Variants in PCDH15 observed in about 807,000 individuals in gnomAD.
PCDH15 encodes the protein protocadherin-15.
In PCDH15, 129 loss-of-function variants were observed where a neutral mutation model predicts 178.5. That is an observed-to-expected ratio of 0.72 (90% CI 0.63 to 0.84). The LOEUF (loss-of-function observed/expected upper bound fraction) is 0.84, where lower values mean the gene tolerates loss of function less well. Ranked by LOEUF, PCDH15 falls within the 40% of genes least tolerant of loss-of-function variation. The pLI is 0.00. For synonymous variants in PCDH15, 800 were observed against 732.0 expected (o/e 1.09, Z -1.50); for missense variants, 2,230 against 2,099.9 (o/e 1.06, Z -1.21).
At position 54,512,273 on chromosome 10, in the gene PCDH15, T is replaced by C. The variant is rs573558038; in HGVS notation, c.157+15539A>G. On this transcript the variant is annotated intron_variant, in intron 3 of 37. Coordinates refer to ENST00000644397, the MANE Select transcript of PCDH15 (RefSeq NM_001384140.1). ...AGTATTCTTTCTTCACTAGTGTAGA[T>C]GCAGGTATGGTTTCAGGAAACCTAT... 2.0e-5 allele frequency among the ~76,000 whole-genome samples: 3 copies of C among 152,192 alleles called. No individual in the cohort carries two copies. The East Asian group carries it at 5.8e-4, about 29-fold the overall frequency.
intron 3 of PCDH15, among the ~76,000 whole-genome samples, chr10:54,485,794 C>T (rs2079059498): frequency 1.3e-5 from 2 of 151,998 alleles, no homozygotes; most frequent in South Asian, 4.1e-4. Context: ...AGTTCTGAAA[C>T]AAGACTTCTG....
intron 16 of PCDH15, among the ~76,000 whole-genome samples, chr10:54,082,396 A>G (rs1483304725): frequency 6.6e-6 from 1 of 152,196 alleles, no homozygotes; most frequent in Non-Finnish European, 1.5e-5. Flanking sequence ...GTACTGGGGA[A>G]TACAGAATAA....
intron 1 of PCDH15, among the ~76,000 whole-genome samples, chr10:54,703,772 T>A (rs1343987804): frequency 6.6e-6 from 1 of 151,760 alleles, no homozygotes; most frequent in Non-Finnish European, 1.5e-5. Context: ...ATAGCAAGAA[T>A]CAATACTGTA....
intron 1 of PCDH15, among the ~76,000 whole-genome samples, chr10:55,216,390 A>G (rs1030562595): frequency 6.6e-6 from 1 of 151,926 alleles, no homozygotes; most frequent in East Asian, 1.9e-4. Flanking sequence ...TCAATTTTTA[A>G]ATAAAAATTT....
chr10:54,914,766 C>T (rs574199376), intron 2 of PCDH15, among the ~76,000 whole-genome samples: 47 of 152,264 alleles, frequency 3.1e-4, no homozygotes, highest in African/African-American at 1.1e-3. Context: ...CTCAGCTTTT[C>T]CTAAATTAGT....
intron 1 of PCDH15, among the ~76,000 whole-genome samples, chr10:54,778,296 C>T (rs1812071208): frequency 1.3e-5 from 2 of 152,146 alleles, no homozygotes; most frequent in South Asian, 2.1e-4. Context: ...TTGAGAGACA[C>T]ATTTTGTGTA....
At chr10:55,216,980 G>A (rs1000357561) in intron 1 of PCDH15, among the ~76,000 whole-genome samples, 1 of 151,826 alleles carries the variant, frequency 6.6e-6, no homozygotes, top group Non-Finnish European at 1.5e-5. Flanking sequence ...GCTAAACTGA[G>A]GGTCTCATGT....
At chr10:54,445,351 A>G (rs2076081341) in intron 3 of PCDH15, among the ~76,000 whole-genome samples, 1 of 151,500 alleles carries the variant, frequency 6.6e-6, no homozygotes, top group South Asian at 2.1e-4. Flanking sequence ...TTAGAATAAA[A>G]ACAGAAAAAA....
At chr10:54,881,536 G>GA (rs1954262092) in intron 3 of PCDH15, among the ~76,000 whole-genome samples, 1 of 151,988 alleles carries the variant, frequency 6.6e-6, no homozygotes, top group Admixed American at 6.6e-5. Flanking sequence ...AAGACCTTTT[G>GA]TTTTTTGCTC....
intron 21 of PCDH15, among the ~76,000 whole-genome samples, chr10:53,985,032 C>A (rs2090998844): frequency 6.6e-6 from 1 of 152,190 alleles, no homozygotes; most frequent in South Asian, 2.1e-4. Flanking sequence ...CCATGCGTCC[C>A]TGCAGAAGGA....
chr10:54,606,757 C>T (rs1402251780), intron 2 of PCDH15: 2 of 151,982 alleles, frequency 1.3e-5, no homozygotes, highest in Non-Finnish European at 2.9e-5. Context: ...AGTCAAGCTA[C>T]ACTTGTTTGG....
intron 5 of PCDH15, among the ~76,000 whole-genome samples, chr10:54,348,080 C>A (rs1164834752): frequency 1.3e-4 from 19 of 151,928 alleles, no homozygotes. Flanking sequence ...GATCTCCTGA[C>A]CTCATGATCT....
chr10:53,920,956 T>TG (rs1174564425), intron 25 of PCDH15, among the ~76,000 whole-genome samples: 10 of 152,198 alleles, frequency 6.6e-5, no homozygotes, highest in Non-Finnish European at 1.3e-4. Flanking sequence ...ATTAGTCATA[T>TG]GGTATACAAC....
At chr10:53,971,284 A>G (rs2089655735) in intron 21 of PCDH15, among the ~76,000 whole-genome samples, 2 of 152,220 alleles carry the variant, frequency 1.3e-5, no homozygotes, top group Non-Finnish European at 2.9e-5. Flanking sequence ...GATGTAACCT[A>G]TCTTAAAATA....
At chr10:54,676,977 G>A (rs901781486) in intron 1 of PCDH15, among the ~76,000 whole-genome samples, 7 of 152,164 alleles carry the variant, frequency 4.6e-5, no homozygotes, top group Non-Finnish European at 1.0e-4. Flanking sequence ...TGATTTTGAA[G>A]TTGCAGTTTT....
chr10:54,627,890 G>A (rs1387467607), intron 2 of PCDH15, among the ~76,000 whole-genome samples: 1 of 152,190 alleles, frequency 6.6e-6, no homozygotes, highest in Non-Finnish European at 1.5e-5. Context: ...GCTCGGAGGA[G>A]CCTGACTAAA....
chr10:54,185,668 A>G (rs1215511448), intron 11 of PCDH15, among the ~76,000 whole-genome samples: 1 of 152,070 alleles, frequency 6.6e-6, no homozygotes, highest in East Asian at 1.9e-4. Flanking sequence ...TTTTAGCAAT[A>G]AGACTTTATA....
rs146910919 is a variant in PCDH15 at position 54,709,442 on chromosome 10, G to A, written c.-28-45152C>T. On this transcript the variant is annotated intron_variant, in intron 1 of 37. Transcript: ENST00000644397. ...TATTTAAGCCTCAGTTTTATTTTCT[G>A]TAAATGAATATGAGGATAATAATAT... is the stretch of plus-strand genomic sequence containing the variant. 8.3e-4 allele frequency among the ~76,000 whole-genome samples: 125 copies of A among 151,432 alleles called. 1 individual carries two copies. In the East Asian group the frequency reaches 0.023, roughly 28 times the overall value.
At chr10:53,977,259 T>A (rs974910863) in intron 21 of PCDH15, among the ~76,000 whole-genome samples, 1 of 152,098 alleles carries the variant, frequency 6.6e-6, no homozygotes, top group African/African-American at 2.4e-5. Flanking sequence ...TTGGGCCACA[T>A]TGGAAGAAGA....
Sources: gnomAD v4.1 joint callset for allele counts (sites outside exome capture counted in the v4.1 genomes callset) on GRCh38, gnomAD v4.1.1 for gene constraint, MANE v1.5 for transcripts, NCBI Gene and HGNC (gene_info 2026-07-23, HGNC 2026-07-21) for gene names.